DLEC1: variants seen among roughly 807,000 people sequenced by gnomAD.
The protein encoded by DLEC1 is DLEC1 cilia and flagella associated protein.
A neutral mutation model predicts 198.1 loss-of-function variants in DLEC1; 146 were observed. That is an observed-to-expected ratio of 0.74 (90% CI 0.64 to 0.85). DLEC1 has a LOEUF of 0.85. Ranked by LOEUF, DLEC1 falls within the 40% of genes least tolerant of loss-of-function variation. DLEC1 has a pLI of 0.00. For synonymous variants in DLEC1, 897 were observed against 866.8 expected (o/e 1.03, Z -0.61); for missense variants, 2,233 against 2,220.0 (o/e 1.01, Z -0.12).
At chr3:38,083,753 C>T (rs1013357392) in intron 6 of DLEC1, among the ~76,000 whole-genome samples, 1 of 151,962 alleles carries the variant, frequency 6.6e-6, no homozygotes, top group African/African-American at 2.4e-5. Context: ...TTCATTTTTA[C>T]CTTGTATTTT....
chr3:38,093,775 A>G lies in DLEC1; in HGVS notation c.1919+8A>G, dbSNP rs1179801019. On this transcript the variant is annotated splice_region_variant and intron_variant, in intron 12 of 36. Coordinates refer to ENST00000308059, the MANE Select transcript of DLEC1 (RefSeq NM_007335.4). Reference sequence around the variant, plus strand: ...GATTATTAGAAATGCTACGTGGGTAACCCCTGTGTGTGCCCCAATACCCAA... The same window carrying G: ...GATTATTAGAAATGCTACGTGGGTAGCCCCTGTGTGTGCCCCAATACCCAA... The G allele has an allele frequency of 3.7e-6, 6 of 1,613,218 alleles. No individual in the cohort carries two copies. Among genetic ancestry groups the G allele is most frequent in the Admixed American group, 1.7e-5 (1 of 59,982 alleles).
intron 3 of DLEC1, among the ~76,000 whole-genome samples, chr3:38,060,156 A>T (rs1696604296): frequency 6.6e-6 from 1 of 152,206 alleles, no homozygotes; most frequent in Non-Finnish European, 1.5e-5. Flanking sequence ...AGAAGGAAAA[A>T]CTGAAGACAT....
In DLEC1 at chr3:38,108,511, C is replaced by T. The variant is rs551789211; in HGVS notation, c.3125C>T (p.Thr1042Ile). The T allele has an allele frequency of 2.5e-6, 4 of 1,613,530 alleles. No homozygotes were observed. In the African/African-American group the frequency reaches 5.3e-5, roughly 21 times the overall value. Residue 1042 changes from threonine (T) to isoleucine (I), a missense_variant, in exon 21 of 37, where the codon ACC becomes ATC. Physicochemically the swap from Thr to Ile is moderately conservative, Grantham distance 89. Coordinates refer to ENST00000308059, the MANE Select transcript of DLEC1 (RefSeq NM_007335.4). Reference sequence around the variant, plus strand: ...CTCAAGTTGGAGTTGACTGCTCATACCCAGGTGAGTAAGGCAATGTAGGGC... The same window carrying T: ...CTCAAGTTGGAGTTGACTGCTCATATCCAGGTGAGTAAGGCAATGTAGGGC... ...CQLKLELTAHTQEELTHLALP... is the reference protein window; with the variant it reads ...CQLKLELTAHIQEELTHLALP...
intron 27 of DLEC1, among the ~76,000 whole-genome samples, chr3:38,115,614 C>T (rs1700113489): frequency 6.6e-6 from 1 of 151,994 alleles, no homozygotes; most frequent in Non-Finnish European, 1.5e-5. Context: ...AAGAGGGGGC[C>T]CTGGCCATGC....
chr3:38,096,033 G>C, intron 14 of DLEC1, 87 bp downstream of exon 14: 1 of 1,523,604 alleles, frequency 6.6e-7, no homozygotes. Context: ...ATCAGGTGAG[G>C]GGGAGTGGGC....
intron 13 of DLEC1, 88 bp downstream of exon 13, chr3:38,095,159 C>T: frequency 1.3e-6 from 2 of 1,513,914 alleles, no homozygotes; most frequent in South Asian, 1.2e-5. Context: ...ACTGAAGCCA[C>T]AGCTGGGCCC....
chr3:38,076,558 A>T lies in DLEC1; in HGVS notation c.1174-7600A>T, dbSNP rs576679964. ...CCAGGAAAAGGACTTTCACAAGGTA[A>T]TGTCATCACTCAAGGCAAGGACCGG... On this transcript the variant is annotated intron_variant, in intron 6 of 36. Coordinates refer to ENST00000308059, the MANE Select transcript of DLEC1 (RefSeq NM_007335.4). 4.6e-5 allele frequency among the ~76,000 whole-genome samples: 7 copies of T among 152,232 alleles called. No homozygotes were observed. In the South Asian group the frequency reaches 1.5e-3, roughly 32 times the overall value.
chr3:38,048,127 G>A (rs1216440903), intron 2 of DLEC1, among the ~76,000 whole-genome samples: 4 of 152,184 alleles, frequency 2.6e-5, no homozygotes, highest in South Asian at 2.1e-4. Context: ...CCAGTTGACT[G>A]CTGATTCATT....
chr3:38,076,737 A>G (rs772833984), intron 6 of DLEC1, among the ~76,000 whole-genome samples: 4 of 152,200 alleles, frequency 2.6e-5, no homozygotes, highest in Non-Finnish European at 4.4e-5. Context: ...CAGAGGCCTG[A>G]CATTCCTGCC....
chr3:38,094,628 C>G (rs1043694137), intron 12 of DLEC1, among the ~76,000 whole-genome samples: 5 of 152,184 alleles, frequency 3.3e-5, no homozygotes, highest in Non-Finnish European at 5.9e-5. Context: ...CATGGTAGGT[C>G]CAACCTCCAG....
chr3:38,065,275 C>T (rs1019458877), intron 6 of DLEC1, among the ~76,000 whole-genome samples: 1 of 152,122 alleles, frequency 6.6e-6, no homozygotes, highest in Admixed American at 6.5e-5. Context: ...TGTAGTGAGT[C>T]GAGATGGCGG....
At chr3:38,095,098 A>T in intron 13 of DLEC1, 27 bp downstream of exon 13, 1 of 1,612,256 alleles carries the variant, frequency 6.2e-7, no homozygotes, top group African/African-American at 1.3e-5. Context: ...CTCAGTAGCC[A>T]CACATGGTTG....
Position 38,117,079 on chromosome 3 carries a change from T to A in DLEC1, c.4284T>A (p.Gly1428=), listed in dbSNP as rs1406126754. ...HKVECTGYAL[G]FMSLDSKVER... The stretch of plus-strand genomic sequence containing the variant: ...TGGAGTGTACTGGCTACGCCCTGGG[T>A]TTCATGAGCTTGGACAGCAAGGTGA... The change falls in exon 30 of 37, where the codon GGT becomes GGA. Residue 1428 remains glycine, a synonymous_variant. Transcript: ENST00000308059. 1 of 1,613,912 alleles carries A rather than the reference T, an allele frequency of 6.2e-7. No homozygotes were observed. Among genetic ancestry groups the A allele is most frequent in the Non-Finnish European group, 8.5e-7 (1 of 1,179,934 alleles).
intron 28 of DLEC1, 57 bp from the exon 29 acceptor site, chr3:38,116,716 C>T (rs945815968): frequency 1.2e-5 from 20 of 1,609,200 alleles, no homozygotes; most frequent in Non-Finnish European, 1.7e-5. Context: ...GAGGTGTGGC[C>T]AGTAGGCTAG....
At chr3:38,056,445 G>T (rs1022719301) in intron 2 of DLEC1, among the ~76,000 whole-genome samples, 1 of 152,096 alleles carries the variant, frequency 6.6e-6, no homozygotes, top group African/African-American at 2.4e-5. Flanking sequence ...GAGTAGCTGG[G>T]ATTACAGGCA....
chr3:38,113,434 T>TA (rs869067854), intron 25 of DLEC1, among the ~76,000 whole-genome samples: 1 of 152,092 alleles, frequency 6.6e-6, no homozygotes, highest in African/African-American at 2.4e-5. Context: ...TTCATGCCTG[T>TA]AATCCCAGCA....
Position 38,108,369 on chromosome 3 carries a change from A to G in DLEC1, c.3019-36A>G, listed in dbSNP as rs201007527. The G allele has an allele frequency of 3.4e-5, 53 of 1,558,816 alleles. No homozygotes were observed. The Admixed American group carries it at 5.5e-4, about 16-fold the overall frequency. Reference sequence around the variant, plus strand: ...GGATACTGGTCCATTCTGGGAGCCCAGTAAGTGACAACAGGCTCACTCATG... The same window carrying G: ...GGATACTGGTCCATTCTGGGAGCCCGGTAAGTGACAACAGGCTCACTCATG... On this transcript the variant is annotated intron_variant, in intron 20 of 36. Transcript: ENST00000308059.
In DLEC1 at chr3:38,114,355, T is replaced by C. The variant is rs9810085; in HGVS notation, c.3680T>C (p.Leu1227Pro). 1.3e-3 allele frequency: 2,167 copies of C among 1,614,114 alleles called. 29 individuals are homozygous for C. The African/African-American group carries it at 0.024, about 18-fold the overall frequency. Reference protein sequence around the residue: ...DNLICTVGDLLPEVIPVHMAA... With the variant: ...DNLICTVGDLPPEVIPVHMAA... ...GTGTGTTTGCAGGTGGGAGACCTGC[T>C]GCCGGAAGTCATCCCAGTGCACATG... The change falls in exon 26 of 37, where the codon CTG (leucine) becomes CCG (proline). Residue 1227 changes from leucine to proline, a missense_variant. Coordinates refer to ENST00000308059, the MANE Select transcript of DLEC1 (RefSeq NM_007335.4).
chr3:38,102,537 C>T (rs1485527193), intron 19 of DLEC1, among the ~76,000 whole-genome samples: 1 of 152,166 alleles, frequency 6.6e-6, no homozygotes, highest in Non-Finnish European at 1.5e-5. Flanking sequence ...GAGTTTTCTT[C>T]TGCTTCTAGT....
Sources: gnomAD v4.1 joint callset for allele counts (sites outside exome capture counted in the v4.1 genomes callset) on GRCh38, gnomAD v4.1.1 for gene constraint, MANE v1.5 for transcripts, NCBI Gene and HGNC (gene_info 2026-07-23, HGNC 2026-07-21) for gene names.